The following CEP85L variants were observed in gnomAD, a reference collection of about 807,000 sequenced individuals.
CEP85L encodes the protein centrosomal protein 85L, also known as centrosomal protein of 85 kDa-like.
CEP85L carries 60 observed loss-of-function variants against 100.3 expected under a neutral mutation model. That is an observed-to-expected ratio of 0.60 (90% CI 0.49 to 0.74). The LOEUF (loss-of-function observed/expected upper bound fraction) is 0.74, where lower values mean the gene tolerates loss of function less well. Among genes scored for constraint, CEP85L ranks in the 30% least tolerant of loss-of-function variants. CEP85L has a pLI of 0.00. For synonymous variants in CEP85L, 319 were observed against 322.7 expected, an observed-to-expected ratio of 0.99 and a Z score of 0.12; for missense variants, 973 against 936.2, an observed-to-expected ratio of 1.04 and a Z score of -0.51.
At chr6:118,575,565 T>C (rs1780175989) in intron 2 of CEP85L, among the ~76,000 whole-genome samples, 1 of 152,116 alleles carries the variant, frequency 6.6e-6, no homozygotes, top group Non-Finnish European at 1.5e-5. Flanking sequence ...CACCTCTAAC[T>C]TCCCTCCCCA....
intron 2 of CEP85L, among the ~76,000 whole-genome samples, chr6:118,593,944 G>A (rs139498295): frequency 6.6e-6 from 1 of 152,238 alleles, no homozygotes; most frequent in Admixed American, 6.5e-5. Flanking sequence ...TTACCTTGCT[G>A]GTTCCTACTC....
chr6:118,603,918 G>A (rs986828576), intron 2 of CEP85L, among the ~76,000 whole-genome samples: 2 of 152,194 alleles, frequency 1.3e-5, no homozygotes, highest in African/African-American at 2.4e-5. Context: ...TAAAGCCACA[G>A]TAGATAAGGA....
chr6:118,571,153 T>C (rs188233050), intron 2 of CEP85L, among the ~76,000 whole-genome samples: 5 of 152,312 alleles, frequency 3.3e-5, no homozygotes, highest in African/African-American at 1.2e-4. Flanking sequence ...TTTCAACACT[T>C]AAAAATGTTA....
intron 4 of CEP85L, among the ~76,000 whole-genome samples, chr6:118,513,632 A>C (rs1776096210): frequency 6.6e-6 from 1 of 152,130 alleles, no homozygotes; most frequent in Non-Finnish European, 1.5e-5. Flanking sequence ...GCATACAAAA[A>C]AAACCTGTTA....
At chr6:118,632,281 G>A (rs546361840) in intron 2 of CEP85L, among the ~76,000 whole-genome samples, 172 bp downstream of exon 2, 13 of 152,224 alleles carry the variant, frequency 8.5e-5, no homozygotes, top group East Asian at 1.9e-4. Flanking sequence ...GAGCCACCGC[G>A]CCCGGTCGAT....
At chr6:118,625,816 G>A (rs745620321) in intron 2 of CEP85L, among the ~76,000 whole-genome samples, 45 of 152,044 alleles carry the variant, frequency 3.0e-4, no homozygotes, top group African/African-American at 6.5e-4. Flanking sequence ...GCTATCACTC[G>A]CCTTCGGTCC....
intron 3 of CEP85L, among the ~76,000 whole-genome samples, chr6:118,528,502 C>T (rs973817517): frequency 1.3e-5 from 2 of 152,058 alleles, no homozygotes; most frequent in African/African-American, 4.8e-5. Context: ...AAAAAGGATT[C>T]CTTTCCCTGT....
intron 2 of CEP85L, among the ~76,000 whole-genome samples, chr6:118,595,056 C>T (rs549021388): frequency 6.6e-6 from 1 of 152,218 alleles, no homozygotes; most frequent in Non-Finnish European, 1.5e-5. Context: ...CCAGTTTCCT[C>T]TTACAATCCC....
chr6:118,661,828 T>G (rs1363693857), intron 1 of CEP85L, among the ~76,000 whole-genome samples: 1 of 152,216 alleles, frequency 6.6e-6, no homozygotes, highest in Non-Finnish European at 1.5e-5. Flanking sequence ...GATCTGTCTA[T>G]AATGACTGTG....
chr6:118,540,331 G>A (rs965869041), intron 3 of CEP85L, among the ~76,000 whole-genome samples: 6 of 152,112 alleles, frequency 3.9e-5, no homozygotes, highest in Non-Finnish European at 7.4e-5. Flanking sequence ...ACTACTGACT[G>A]ATATGAAAAT....
intron 1 of CEP85L, among the ~76,000 whole-genome samples, chr6:118,697,194 C>T (rs1777242178): frequency 1.3e-5 from 2 of 152,166 alleles, no homozygotes; most frequent in Admixed American, 1.3e-4. Context: ...CATAAAGTCA[C>T]ATGGAGGAGC....
intron 2 of CEP85L, among the ~76,000 whole-genome samples, chr6:118,581,922 T>G (rs1780599714): frequency 6.6e-6 from 1 of 152,094 alleles, no homozygotes. Context: ...ATCCAACAGT[T>G]AGATCTTTTC....
At chr6:118,503,510 G>C (rs999035465) in intron 5 of CEP85L, among the ~76,000 whole-genome samples, 2 of 152,084 alleles carry the variant, frequency 1.3e-5, no homozygotes, top group Non-Finnish European at 2.9e-5. Context: ...AACAAAGTTG[G>C]AGTACTGACA....
intron 2 of CEP85L, among the ~76,000 whole-genome samples, chr6:118,622,954 T>C (rs1404527539): frequency 1.3e-5 from 2 of 152,204 alleles, no homozygotes; most frequent in Non-Finnish European, 2.9e-5. Context: ...TAAGCCCCAG[T>C]ATTCCCCAAG....
intron 5 of CEP85L, among the ~76,000 whole-genome samples, chr6:118,507,021 T>C (rs1013108827): frequency 6.6e-5 from 10 of 152,148 alleles, no homozygotes; most frequent in Non-Finnish European, 1.5e-4. Flanking sequence ...GAATACCTGA[T>C]CATGCCCAAG....
intron 3 of CEP85L, among the ~76,000 whole-genome samples, chr6:118,542,922 A>AAAAAAAAAAAAAAAAAAAG: frequency 6.6e-6 from 1 of 150,592 alleles, no homozygotes; most frequent in Non-Finnish European, 1.5e-5. Context: ...AAAAAAAAAA[A>AAAAAAAAAAAAAAAAAAAG]ACAGGATATT....
chr6:118,468,161 T>A (rs1772672221), intron 12 of CEP85L, among the ~76,000 whole-genome samples: 1 of 152,240 alleles, frequency 6.6e-6, no homozygotes, highest in East Asian at 1.9e-4. Context: ...TGAGCACAGA[T>A]AATGTTTCAT....
chr6:118,585,739 A>C (rs965054993), intron 2 of CEP85L, among the ~76,000 whole-genome samples: 5 of 152,184 alleles, frequency 3.3e-5, no homozygotes, highest in African/African-American at 1.2e-4. Context: ...AACTTACTAA[A>C]AACAATCAAG....
At chr6:118,655,614 A>T (rs1019231265), upstream of CEP85L, among the ~76,000 whole-genome samples, 1 of 152,222 alleles carries the variant, frequency 6.6e-6, no homozygotes, top group Non-Finnish European at 1.5e-5. Flanking sequence ...AAAGCAGATC[A>T]TGCCTTCACA....
Sources: allele counts gnomAD v4.1 joint callset (sites outside exome capture counted in the v4.1 genomes callset), GRCh38; gene constraint gnomAD v4.1.1; transcripts MANE v1.5; gene names NCBI Gene and HGNC (gene_info 2026-07-23, HGNC 2026-07-21).